TSC22D2: variants seen among roughly 807,000 people sequenced by gnomAD.
TSC22D2 encodes TSC22 domain family protein 2.
Under a neutral mutation model 50.1 loss-of-function variants are expected in TSC22D2, and 5 were observed. That is an observed-to-expected ratio of 0.10 (90% CI 0.05 to 0.21). The LOEUF is 0.21. Among genes scored for constraint, TSC22D2 ranks in the 10% least tolerant of loss-of-function variants. The pLI, the probability that TSC22D2 is intolerant of heterozygous loss-of-function variation, is 1.00. For missense variants in TSC22D2, 1,003 were observed against 1,015.5 expected (o/e 0.99, Z 0.17); for synonymous variants, 501 against 450.1 (o/e 1.11, Z -1.43).
rs1721435488 is a variant in TSC22D2, at chr3:150,462,161, T to G, written c.*3525T>G. ...GTCAGGGTAGGTTTCCTCAAAAACA[T>G]GACACCTGAGTCTTGAAGGTCATAA... On this transcript the variant is annotated 3_prime_UTR_variant, in exon 3 of 3. Coordinates refer to ENST00000688009, the MANE Select transcript of TSC22D2 (RefSeq NM_001303264.2). 1.3e-5 allele frequency: 2 copies of G among 152,152 alleles called. No homozygotes were observed. Among genetic ancestry groups the G allele is most frequent in the South Asian group, 2.1e-4 (1 of 4,832 alleles). The allele number at this position is 152,152 out of a possible 1,614,324, so 9.4% of individuals were successfully genotyped here.
chr3:150,431,295 A>C lies in TSC22D2; in HGVS notation c.1958+19987A>C, dbSNP rs550825620. Reference sequence around the variant, plus strand: ...ATATCCATTTAACTTCAGATACTTCAGCTTATGTTTCCTAAGAAGATTATT... The same window carrying C: ...ATATCCATTTAACTTCAGATACTTCCGCTTATGTTTCCTAAGAAGATTATT... On this transcript the variant is annotated intron_variant, in intron 1 of 2. Transcript: ENST00000688009. Among the ~76,000 whole-genome samples the C allele has an allele frequency of 1.6e-4, 24 of 151,270 alleles. 1 individual carries two copies. In the South Asian group the frequency reaches 4.8e-3, roughly 30 times the overall value.
chr3:150,418,841 G>T (rs1719912961), intron 1 of TSC22D2, among the ~76,000 whole-genome samples: 2 of 151,980 alleles, frequency 1.3e-5, no homozygotes, highest in South Asian at 4.1e-4. Flanking sequence ...TCCTTTTAGT[G>T]ATTATTGCAT....
intron 1 of TSC22D2, among the ~76,000 whole-genome samples, chr3:150,428,699 G>A (rs2108076551): frequency 6.6e-6 from 1 of 152,058 alleles, no homozygotes; most frequent in South Asian, 2.1e-4. Context: ...TTTAGGTGAT[G>A]TTGAAATGAT....
In TSC22D2 at chr3:150,409,154, CAG is replaced by C. The variant is rs991511729; in HGVS notation, c.-193_-192del. 7 of 542,870 alleles carry C rather than the reference CAG, an allele frequency of 1.3e-5. No individual in the cohort carries two copies. The highest frequency in any genetic ancestry group is 1.1e-4 in the African/African-American group (6 of 53,120). 33.6% of individuals were successfully genotyped at this position (542,870 alleles called of 1,614,324 possible). A position where few individuals can be genotyped will look rare whatever the true frequency, so the allele number is the denominator to read the frequency against. On this transcript the variant is annotated 5_prime_UTR_variant, in exon 1 of 3. Coordinates refer to ENST00000688009, the MANE Select transcript of TSC22D2 (RefSeq NM_001303264.2). This position sits in a 1 kb window ranked among gnomAD's most constrained non-coding sequence, Gnocchi z 7.4. ...GGGGGCAGAGCCGAAGAGACCGACA[CAG>C]AGAAGGAAACGAGGAGGAGGATGTC...
chr3:150,451,015 G>A (rs1056638451), intron 1 of TSC22D2, among the ~76,000 whole-genome samples: 8 of 152,150 alleles, frequency 5.3e-5, no homozygotes, highest in African/African-American at 1.2e-4. Flanking sequence ...GAAAGGTATA[G>A]CTTCCTTCTA....
Position 150,409,534 on chromosome 3 carries a change from G to C in TSC22D2, c.184G>C (p.Val62Leu). The change falls in exon 1 of 3, where the codon GTC (valine) becomes CTC (leucine). Residue 62 changes from valine (V) to leucine (L), a missense_variant. Transcript: ENST00000688009. The surrounding 1 kb of genome is among the most constrained non-coding windows in gnomAD (Gnocchi z 7.4). ...SRATDYGPEE[V>L]CERSSSEETL... ...GGCCACGGATTATGGCCCTGAGGAG[G>C]TCTGCGAGCGCAGCTCTTCCGAAGA... The C allele has an allele frequency of 6.2e-7, 1 of 1,607,334 alleles. No individual in the cohort carries two copies. The highest frequency in any genetic ancestry group is 8.5e-7 in the Non-Finnish European group (1 of 1,174,796).
chr3:150,441,598 TA>T (rs1720719519), intron 1 of TSC22D2, among the ~76,000 whole-genome samples: 1 of 152,040 alleles, frequency 6.6e-6, no homozygotes. Flanking sequence ...CGTCTCTACA[TA>T]AATAATTTGC....
chr3:150,457,314 G>A (rs1356288885), intron 2 of TSC22D2, among the ~76,000 whole-genome samples, 187 bp downstream of exon 2: 2 of 152,140 alleles, frequency 1.3e-5, no homozygotes, highest in Admixed American at 6.5e-5. Flanking sequence ...TACTATTTAA[G>A]TAGATATTTC....
chr3:150,419,971 T>C (rs1425654388), intron 1 of TSC22D2, among the ~76,000 whole-genome samples: 1 of 152,196 alleles, frequency 6.6e-6, no homozygotes, highest in African/African-American at 2.4e-5. Context: ...AAATTTTATT[T>C]CTTGAGTGGA....
intron 1 of TSC22D2, among the ~76,000 whole-genome samples, chr3:150,451,603 G>C (rs1451162247): frequency 6.6e-6 from 1 of 152,174 alleles, no homozygotes; most frequent in African/African-American, 2.4e-5. Flanking sequence ...TATTATGGAA[G>C]AAAATATGTG....
In TSC22D2 at chr3:150,463,341, CTTT is replaced by C. The variant is rs1721469179; in HGVS notation, c.*4709_*4711del. 6.6e-6 allele frequency: 1 copy of C among 152,206 alleles called. No individual in the cohort carries two copies. Among genetic ancestry groups the C allele is most frequent in the Admixed American group, 6.5e-5 (1 of 15,274 alleles). 9.4% of individuals were successfully genotyped at this position (152,206 alleles called of 1,614,324 possible). ...TGACATAGGTCAGTCCTGCAGGCTT[CTTT>C]TTTCTAAGTCTCCTGCCTATCCAAA... On this transcript the variant is annotated 3_prime_UTR_variant, in exon 3 of 3. Transcript: ENST00000688009.
At chr3:150,444,129 A>G (rs1720804467) in intron 1 of TSC22D2, among the ~76,000 whole-genome samples, 2 of 152,204 alleles carry the variant, frequency 1.3e-5, no homozygotes, top group African/African-American at 4.8e-5. Flanking sequence ...ACCAGATGCA[A>G]GGAACATCAA....
chr3:150,425,004 T>G (rs1463367160), intron 1 of TSC22D2, among the ~76,000 whole-genome samples: 6 of 152,214 alleles, frequency 3.9e-5, no homozygotes, highest in Non-Finnish European at 8.8e-5. Flanking sequence ...ACAGAATTAC[T>G]GATAGGTATA....
At position 150,410,160 on chromosome 3, in the gene TSC22D2, C is replaced by A; in HGVS notation, c.810C>A (p.Ser270Arg). The A allele has an allele frequency of 6.2e-7, 1 of 1,610,522 alleles. No individual in the cohort carries two copies. ...CTCCGGCCCAGCCGCAGAGTTTTAG[C>A]GTTGGGCAGCCACAGCCGCCGCCGC... ...QPTPAQPQSF[S>R]VGQPQPPPPP... The change falls in exon 1 of 3, where the codon AGC becomes AGA. Residue 270 changes from serine (S) to arginine (R), a missense_variant. Transcript: ENST00000688009.
Position 150,410,317 on chromosome 3 carries a change from A to T in TSC22D2, c.967A>T (p.Thr323Ser), listed in dbSNP as rs1719481319. Residue 323 changes from threonine (T) to serine (S), a missense_variant, in exon 1 of 3, where the codon ACT (threonine) becomes TCT (serine). Transcript: ENST00000688009. ...QPQGAGPGGQ[T>S]LPPTNVTLAQ... ...CCAGGGAGCGGGGCCCGGGGGACAG[A>T]CTCTGCCGCCGACGAATGTAACCCT... 1 of 1,575,216 alleles carries T rather than the reference A, an allele frequency of 6.3e-7. No homozygotes were observed. The highest frequency in any genetic ancestry group is 8.6e-7 in the Non-Finnish European group (1 of 1,159,686).
At chr3:150,436,798 A>T (rs1158868200) in intron 1 of TSC22D2, among the ~76,000 whole-genome samples, 1 of 152,224 alleles carries the variant, frequency 6.6e-6, no homozygotes, top group Admixed American at 6.5e-5. Context: ...AAATTCTAAT[A>T]GTTTTTCAGA....
rs1379394238 is a variant in TSC22D2 at position 150,411,010 on chromosome 3, A to G, written c.1660A>G (p.Ile554Val). Residue 554 changes from isoleucine to valine, a missense_variant, in exon 1 of 3, where the codon ATC becomes GTC. Physicochemically the swap from Ile to Val is conservative, Grantham distance 29 (BLOSUM62 3). Coordinates refer to ENST00000688009, the MANE Select transcript of TSC22D2 (RefSeq NM_001303264.2). ...GCCAGTCAGCAGGAGCAGCAGCATA[A>G]TCCAGCATGTTGGGCTGCCCTTAGC... Reference protein sequence around the residue: ...HTPVSRSSSIIQHVGLPLAPG... With the variant: ...HTPVSRSSSIVQHVGLPLAPG... 4 of 1,614,230 alleles carry G rather than the reference A, an allele frequency of 2.5e-6. No individual in the cohort carries two copies. Among genetic ancestry groups the G allele is most frequent in the Non-Finnish European group, 3.4e-6 (4 of 1,180,040 alleles).
intron 1 of TSC22D2, among the ~76,000 whole-genome samples, chr3:150,434,586 T>G (rs139116842): frequency 1.1e-3 from 164 of 152,344 alleles, no homozygotes; most frequent in African/African-American, 3.9e-3. Flanking sequence ...TTCCTTTGCC[T>G]TCTTTCTAAG....
At chr3:150,448,899 TA>T (rs1720961350) in intron 1 of TSC22D2, among the ~76,000 whole-genome samples, 1 of 150,524 alleles carries the variant, frequency 6.6e-6, no homozygotes, top group African/African-American at 2.4e-5. Flanking sequence ...TATATATAAT[TA>T]GGGGATAAAT....
Sources: allele counts gnomAD v4.1 joint callset (sites outside exome capture counted in the v4.1 genomes callset), GRCh38; gene constraint gnomAD v4.1.1; non-coding constraint Gnocchi (gnomAD v3.1); transcripts MANE v1.5; gene names NCBI Gene and HGNC (gene_info 2026-07-23, HGNC 2026-07-21).